ARSB: variants seen among roughly 807,000 people sequenced by gnomAD.
ARSB encodes the protein N-acetylgalactosamine-4-sulfatase.
In ARSB, 41 loss-of-function variants were observed where a neutral mutation model predicts 50.9. The ratio of observed to expected loss-of-function variants is 0.81; its 90% CI spans 0.63 to 1.04. The LOEUF (loss-of-function observed/expected upper bound fraction) is 1.04. ARSB is among the 50% of genes least tolerant of loss of function. ARSB has a pLI of 0.00. For synonymous variants in ARSB, 269 were observed against 284.8 expected, an observed-to-expected ratio of 0.94 and a Z score of 0.56; for missense variants, 672 against 693.3, an observed-to-expected ratio of 0.97 and a Z score of 0.35.
chr5:78,875,729 G>A (rs1040271183), intron 5 of ARSB, among the ~76,000 whole-genome samples: 6 of 151,644 alleles, frequency 4.0e-5, no homozygotes, highest in South Asian at 2.1e-4. Context: ...GTGCAGCGGC[G>A]CAATCTCGGC....
chr5:78,843,857 T>C (rs1745333714), intron 5 of ARSB, among the ~76,000 whole-genome samples: 1 of 152,234 alleles, frequency 6.6e-6, no homozygotes, highest in South Asian at 2.1e-4. Flanking sequence ...TTTTCAAGGA[T>C]CATCAATGTG....
chr5:78,847,039 T>C (rs1221846033), intron 5 of ARSB, among the ~76,000 whole-genome samples: 1 of 152,232 alleles, frequency 6.6e-6, no homozygotes, highest in Non-Finnish European at 1.5e-5. Flanking sequence ...TCTGTTGATG[T>C]AATGTGTCAT....
At chr5:78,900,512 G>A (rs1268566173) in intron 4 of ARSB, among the ~76,000 whole-genome samples, 2 of 152,084 alleles carry the variant, frequency 1.3e-5, no homozygotes, top group Non-Finnish European at 2.9e-5. Context: ...TAGGGGAGGG[G>A]ACTCGCAGAC....
intron 4 of ARSB, among the ~76,000 whole-genome samples, chr5:78,942,723 G>C (rs1483257332): frequency 6.6e-6 from 1 of 152,136 alleles, no homozygotes; most frequent in Admixed American, 6.5e-5. Flanking sequence ...TTTGGAATAG[G>C]TGTGGTGTGG....
chr5:78,917,797 G>GCCACTGTGC (rs1327091723), intron 4 of ARSB, among the ~76,000 whole-genome samples: 1 of 152,212 alleles, frequency 6.6e-6, no homozygotes, highest in Non-Finnish European at 1.5e-5. Context: ...ACAGGAGTGA[G>GCCACTGTGC]CCACTGTGCC....
intron 6 of ARSB, among the ~76,000 whole-genome samples, chr5:78,804,213 GAA>G (rs113086677): frequency 2.4e-5 from 3 of 124,198 alleles, no homozygotes; most frequent in East Asian, 2.3e-4. Flanking sequence ...AATGTGGAAT[GAA>G]AAAAAAAAAA....
At chr5:78,868,103 G>A (rs1442057265) in intron 5 of ARSB, among the ~76,000 whole-genome samples, 2 of 145,560 alleles carry the variant, frequency 1.4e-5, no homozygotes, top group African/African-American at 5.2e-5. Flanking sequence ...AAGAAGGGAC[G>A]TTTAGAGAAA....
intron 5 of ARSB, among the ~76,000 whole-genome samples, chr5:78,849,870 A>T (rs1467988430): frequency 6.7e-6 from 1 of 149,276 alleles, no homozygotes; most frequent in African/African-American, 2.4e-5. Context: ...TTTGTCTGTT[A>T]TTGGTGTATA....
chr5:78,943,301 G>C (rs192536630), intron 4 of ARSB, among the ~76,000 whole-genome samples: 5 of 152,276 alleles, frequency 3.3e-5, no homozygotes, highest in Non-Finnish European at 5.9e-5. Context: ...ATATTGTTAT[G>C]TGTGAATTTG....
chr5:78,816,265 A>C (rs1388501384), intron 6 of ARSB: 2 of 1,476,682 alleles, frequency 1.4e-6, no homozygotes, highest in East Asian at 2.4e-5. Context: ...TCATTATTCT[A>C]GTGCCTAACA....
chr5:78,983,822 C>T (rs1171761556), intron 1 of ARSB, among the ~76,000 whole-genome samples: 1 of 152,220 alleles, frequency 6.6e-6, no homozygotes, highest in Non-Finnish European at 1.5e-5. Flanking sequence ...GTTGATCTGA[C>T]AGGTTATGCG....
At chr5:78,855,740 G>C (rs1456629167) in intron 5 of ARSB, among the ~76,000 whole-genome samples, 1 of 152,162 alleles carries the variant, frequency 6.6e-6, no homozygotes, top group East Asian at 1.9e-4. Flanking sequence ...GGACCCCAGT[G>C]CTCAGGTCTG....
At chr5:78,908,487 G>A (rs1398401621) in intron 4 of ARSB, among the ~76,000 whole-genome samples, 1 of 152,174 alleles carries the variant, frequency 6.6e-6, no homozygotes, top group Non-Finnish European at 1.5e-5. Flanking sequence ...GTTTCAGGCA[G>A]CCTGGCAGAC....
rs575853794 is a variant in ARSB at position 78,799,284 on chromosome 5, C to T, written c.1214-17310G>A. Among the ~76,000 whole-genome samples, 210 of 152,334 alleles carry T rather than the reference C, an allele frequency of 1.4e-3. 4 individuals are homozygous for T. In the South Asian group the frequency reaches 0.042, roughly 30 times the overall value. On this transcript the variant is annotated intron_variant, in intron 6 of 7. Coordinates refer to ENST00000264914, the MANE Select transcript of ARSB (RefSeq NM_000046.5). ...GTAGATGCAGATTTGAATTTGGCAG[C>T]TTGGTTATGAAGCTCAACAGACAGA...
At chr5:78,879,064 G>T (rs3098697) in intron 5 of ARSB, among the ~76,000 whole-genome samples, 7 of 152,046 alleles carry the variant, frequency 4.6e-5, no homozygotes, top group South Asian at 2.1e-4. Flanking sequence ...ATGTTGCCCA[G>T]GCTGGTCTCG....
chr5:78,903,561 T>C (rs1187118169), intron 4 of ARSB, among the ~76,000 whole-genome samples: 1 of 152,226 alleles, frequency 6.6e-6, no homozygotes, highest in Non-Finnish European at 1.5e-5. Context: ...CTCTTTCTCT[T>C]ACAGGCCCCT....
intron 3 of ARSB, among the ~76,000 whole-genome samples, chr5:78,962,523 G>GCTT (rs1752033569): frequency 1.1e-5 from 1 of 89,382 alleles, no homozygotes; most frequent in African/African-American, 5.6e-5. Flanking sequence ...ACATGTGCTC[G>GCTT]ATTTTTTTTT....
At chr5:78,969,342 A>G in intron 1 of ARSB, 150 bp from the exon 2 acceptor site, 1 of 830,686 alleles carries the variant, frequency 1.2e-6, no homozygotes. Context: ...TCTGAAAGGC[A>G]GAATTCTCTT....
intron 6 of ARSB, among the ~76,000 whole-genome samples, chr5:78,824,610 A>G (rs1744361250): frequency 6.6e-6 from 1 of 152,210 alleles, no homozygotes; most frequent in South Asian, 2.1e-4. Flanking sequence ...TTCACCTAGT[A>G]TTCCCAGGTG....
Sources: allele counts gnomAD v4.1 joint callset (sites outside exome capture counted in the v4.1 genomes callset), GRCh38; gene constraint gnomAD v4.1.1; transcripts MANE v1.5; gene names NCBI Gene and HGNC (gene_info 2026-07-23, HGNC 2026-07-21).